Variants in SLC24A2 observed in about 807,000 individuals in gnomAD.
SLC24A2 encodes the protein sodium/potassium/calcium exchanger 2.
A neutral mutation model predicts 62.0 loss-of-function variants in SLC24A2; 36 were observed. That is an observed-to-expected ratio of 0.58 (90% confidence interval 0.44 to 0.77). The LOEUF (loss-of-function observed/expected upper bound fraction) is 0.77. Ranked by LOEUF, SLC24A2 falls within the 30% of genes least tolerant of loss-of-function variation. The pLI is 0.00. For missense variants in SLC24A2, 846 were observed against 817.9 expected (o/e 1.03, Z -0.42); for synonymous variants, 358 against 294.0 (o/e 1.22, Z -2.23).
At chr9:20,037,355 G>A in the SLC24A2 span, among the ~76,000 whole-genome samples, 3 of 152,092 alleles carry the variant, frequency 2.0e-5, no homozygotes, top group Non-Finnish European at 4.4e-5. Context: ...GAATGTTTTC[G>A]ATTTGAAGTT....
At chr9:19,875,839 TCA>T in the SLC24A2 span, among the ~76,000 whole-genome samples, 4 of 152,180 alleles carry the variant, frequency 2.6e-5, no homozygotes, top group Non-Finnish European at 4.4e-5. Context: ...ACACACTGCT[TCA>T]GATTCCTTTC....
At chr9:19,520,185 G>C (rs948756764) in intron 10 of SLC24A2, among the ~76,000 whole-genome samples, 2 of 152,142 alleles carry the variant, frequency 1.3e-5, no homozygotes, top group Non-Finnish European at 2.9e-5. Flanking sequence ...CAGTACTCCT[G>C]GGAACGTAAG....
intron 2 of SLC24A2, among the ~76,000 whole-genome samples, chr9:19,670,266 G>T (rs1819377585): frequency 6.6e-6 from 1 of 151,990 alleles, no homozygotes; most frequent in Non-Finnish European, 1.5e-5. Context: ...ATCTAGCCTG[G>T]GTTATTCCTT....
chr9:19,857,315 G>T, the SLC24A2 span, among the ~76,000 whole-genome samples: 1 of 152,246 alleles, frequency 6.6e-6, no homozygotes, highest in African/African-American at 2.4e-5. Context: ...TGGTTACAGT[G>T]GGCCTAGCAA....
At chr9:20,223,758 T>C in the SLC24A2 span, among the ~76,000 whole-genome samples, 40 of 152,250 alleles carry the variant, frequency 2.6e-4, no homozygotes, top group African/African-American at 9.6e-4. Flanking sequence ...TAAATGGTGC[T>C]AGAATAATTG....
chr9:19,524,553 C>T (rs184376884), intron 9 of SLC24A2, among the ~76,000 whole-genome samples: 12 of 152,144 alleles, frequency 7.9e-5, no homozygotes, highest in Non-Finnish European at 1.3e-4. Flanking sequence ...GAGTTGAACA[C>T]TATATAACTG....
At chr9:20,164,272 A>C in the SLC24A2 span, among the ~76,000 whole-genome samples, 2 of 151,648 alleles carry the variant, frequency 1.3e-5, no homozygotes, top group African/African-American at 2.4e-5. Flanking sequence ...CAATGAACTC[A>C]AACAAATTTA....
At chr9:20,046,653 T>C in the SLC24A2 span, among the ~76,000 whole-genome samples, 6 of 152,174 alleles carry the variant, frequency 3.9e-5, no homozygotes, top group African/African-American at 1.4e-4. Flanking sequence ...ACCTCTATAG[T>C]CTTCAGAATG....
At chr9:19,619,442 G>T (rs1409077320) in intron 4 of SLC24A2, 142 bp downstream of exon 4, 6 of 772,182 alleles carry the variant, frequency 7.8e-6, no homozygotes, top group Non-Finnish European at 1.4e-5. Flanking sequence ...ACGTCAAAGG[G>T]CCAGGGCTGC....
the SLC24A2 span, among the ~76,000 whole-genome samples, chr9:19,910,156 G>C: frequency 0.064 from 9,662 of 152,064 alleles, 633 homozygotes; most frequent in East Asian, 0.32. Flanking sequence ...CTGAACCTCA[G>C]AGTAATCCAT....
chr9:20,221,165 G>A, the SLC24A2 span, among the ~76,000 whole-genome samples: 1 of 152,060 alleles, frequency 6.6e-6, no homozygotes, highest in African/African-American at 2.4e-5. Context: ...TGCTAATTGC[G>A]ATAAGTGCCA....
chr9:20,014,284 G>GA, the SLC24A2 span, among the ~76,000 whole-genome samples: 1 of 152,016 alleles, frequency 6.6e-6, no homozygotes, highest in South Asian at 2.1e-4. Context: ...CTGTTGGTGG[G>GA]AATTTAAGTA....
chr9:20,030,333 C>T, the SLC24A2 span, among the ~76,000 whole-genome samples: 6 of 152,194 alleles, frequency 3.9e-5, no homozygotes, highest in African/African-American at 1.2e-4. Context: ...TTAGATAAAT[C>T]GCTACCTAAA....
chr9:20,109,028 C>T, the SLC24A2 span, among the ~76,000 whole-genome samples: 1 of 152,252 alleles, frequency 6.6e-6, no homozygotes, highest in South Asian at 2.1e-4. Context: ...TAGGCAAATG[C>T]TTACCACTGT....
chr9:20,297,243 G>C, the SLC24A2 span, among the ~76,000 whole-genome samples: 2 of 152,158 alleles, frequency 1.3e-5, no homozygotes, highest in African/African-American at 4.8e-5. Flanking sequence ...AGGAAAACCT[G>C]AAGGGAAGGT....
At chr9:20,023,233 C>G in the SLC24A2 span, among the ~76,000 whole-genome samples, 1 of 152,108 alleles carries the variant, frequency 6.6e-6, no homozygotes, top group Admixed American at 6.5e-5. Context: ...ATTCATTTGA[C>G]CTGGTGTTAC....
chr9:19,956,558 T>C, the SLC24A2 span, among the ~76,000 whole-genome samples: 1 of 152,096 alleles, frequency 6.6e-6, no homozygotes, highest in African/African-American at 2.4e-5. Context: ...GGCCTCACAA[T>C]TGTGATGGAA....
At chr9:19,611,558 G>T (rs1006244661) in intron 4 of SLC24A2, among the ~76,000 whole-genome samples, 1 of 152,058 alleles carries the variant, frequency 6.6e-6, no homozygotes, top group Non-Finnish European at 1.5e-5. Context: ...TTTTGCTCTT[G>T]GTGAGATGGT....
the SLC24A2 span, among the ~76,000 whole-genome samples, chr9:20,257,758 A>G: frequency 6.6e-6 from 1 of 152,224 alleles, no homozygotes; most frequent in Non-Finnish European, 1.5e-5. Context: ...AAATAAAATA[A>G]TATATGGAAA....
Sources: allele counts gnomAD v4.1 joint callset (sites outside exome capture counted in the v4.1 genomes callset), GRCh38; gene constraint gnomAD v4.1.1; transcripts MANE v1.5; gene names NCBI Gene and HGNC (gene_info 2026-07-23, HGNC 2026-07-21).